The following USP25 variants were observed in gnomAD, a reference collection of about 807,000 sequenced individuals.
The protein encoded by USP25 is ubiquitin carboxyl-terminal hydrolase 25.
USP25 carries 85 observed loss-of-function variants against 158.5 expected under a neutral mutation model. That is an observed-to-expected ratio of 0.54 (90% confidence interval 0.45 to 0.64). The LOEUF is 0.64. Ranked by LOEUF, USP25 falls within the 30% of genes least tolerant of loss-of-function variation. The pLI is 0.00. For synonymous variants in USP25, 464 were observed against 460.4 expected, an observed-to-expected ratio of 1.01 and a Z score of -0.10; for missense variants, 1,242 against 1,327.3, an observed-to-expected ratio of 0.94 and a Z score of 1.00.
intron 11 of USP25, 142 bp downstream of exon 11, chr21:15,824,308 A>G (rs947911459): frequency 4.2e-6 from 4 of 943,698 alleles, no homozygotes; most frequent in Admixed American, 6.7e-5. Context: ...GTCAAGGTAG[A>G]TGAAATTTAC....
In USP25 at chr21:15,827,093, C is replaced by T. The variant is rs754182220; in HGVS notation, c.1583C>T (p.Pro528Leu). ...IHKPFTQSRI[P>L]PDLPMHPAPR... is the part of the protein sequence containing the mutation. ...AAACCATTTACTCAGTCCCGGATAC[C>T]TCCAGATTTGCCCATGCATCCGGCA... The change falls in exon 14 of 26, where the codon CCT (proline) becomes CTT (leucine). Residue 528 changes from proline (P) to leucine (L), a missense_variant. This residue lies in a region of USP25 where 627 missense variants were observed against 701.4 expected (regional missense o/e 0.89). Coordinates refer to ENST00000400183, the MANE Select transcript of USP25 (RefSeq NM_001283041.3). The T allele has an allele frequency of 6.2e-7, 1 of 1,614,184 alleles. No homozygotes were observed. The highest frequency in any genetic ancestry group is 1.1e-5 in the South Asian group (1 of 91,084).
In USP25 at chr21:15,815,650, G is replaced by GT. The variant is rs564857829; in HGVS notation, c.932-3044dup. Among the ~76,000 whole-genome samples the GT allele has an allele frequency of 8.5e-4, 130 of 152,226 alleles. No individual in the cohort carries two copies. The Middle Eastern group carries it at 0.014, about 16-fold the overall frequency. ...TTGGATTTCAGACTGTAACCCCTTTGTTTTGGCCTGTTTCTCCCATGTGGA... is the reference window on the plus strand; with the variant it reads ...TTGGATTTCAGACTGTAACCCCTTTGTTTTTGGCCTGTTTCTCCCATGTGGA... On this transcript the variant is annotated intron_variant, in intron 9 of 25. Coordinates refer to ENST00000400183, the MANE Select transcript of USP25 (RefSeq NM_001283041.3).
chr21:15,849,864 T>C lies in USP25; in HGVS notation c.2539T>C (p.Phe847Leu). The change falls in exon 20 of 26, where the codon TTC becomes CTC. Residue 847 changes from phenylalanine to leucine, a missense_variant. Coordinates refer to ENST00000400183, the MANE Select transcript of USP25 (RefSeq NM_001283041.3). The part of the protein sequence containing the change: ...VYDRCGPEAG[F>L]FKAIKLEYAR... ...TGACAGGTGTGGCCCTGAAGCAGGG[T>C]TCTTTAAGGTACAATGAACATTTTC... 2.0e-6 allele frequency: 3 copies of C among 1,511,016 alleles called. No individual in the cohort carries two copies. Among genetic ancestry groups the C allele is most frequent in the Non-Finnish European group, 2.7e-6 (3 of 1,129,230 alleles). 93.6% of individuals were successfully genotyped at this position (1,511,016 alleles called of 1,614,324 possible). A position where few individuals can be genotyped will look rare whatever the true frequency, so the allele number is the denominator to read the frequency against.
chr21:15,740,426 C>A (rs1000537192), intron 1 of USP25, among the ~76,000 whole-genome samples: 1 of 152,028 alleles, frequency 6.6e-6, no homozygotes, highest in Non-Finnish European at 1.5e-5. Flanking sequence ...GTGTTTCTCT[C>A]CATCAGTGCA....
At position 15,799,739 on chromosome 21, in the gene USP25, ATTG is replaced by A. The variant is rs774756236; in HGVS notation, c.556-12_556-10del. 17 of 1,547,580 alleles carry A rather than the reference ATTG, an allele frequency of 1.1e-5. No individual in the cohort carries two copies. The Middle Eastern group carries it at 5.1e-4, about 47-fold the overall frequency. ...GGAATTTTCCCTCAGGTTATGTTAA[ATTG>A]TTGTTCTTTTTCAGTCATTATTTAA... On this transcript the variant is annotated splice_polypyrimidine_tract_variant and intron_variant, in intron 5 of 25. Transcript: ENST00000400183.
intron 3 of USP25, among the ~76,000 whole-genome samples, chr21:15,767,890 A>C (rs2034134145): frequency 6.6e-6 from 1 of 152,118 alleles, no homozygotes; most frequent in Non-Finnish European, 1.5e-5. Context: ...GTGCAAAGTG[A>C]GAAAATACTG....
intron 16 of USP25, among the ~76,000 whole-genome samples, chr21:15,832,814 C>G (rs956834796): frequency 6.6e-6 from 1 of 151,856 alleles, no homozygotes; most frequent in East Asian, 1.9e-4. Context: ...GTCAGGAGAT[C>G]GAGACCATCC....
chr21:15,808,741 G>A, intron 7 of USP25, 68 bp from the exon 8 acceptor site: 1 of 1,170,360 alleles, frequency 8.5e-7, no homozygotes, highest in Non-Finnish European at 1.2e-6. Context: ...CTCTAGGTTT[G>A]ATGTTACAAC....
intron 1 of USP25, among the ~76,000 whole-genome samples, chr21:15,740,095 G>A (rs2823467): frequency 1.3e-5 from 2 of 152,032 alleles, no homozygotes; most frequent in South Asian, 2.1e-4. Context: ...GATCAGTTTC[G>A]TATAATATGG....
intron 6 of USP25, among the ~76,000 whole-genome samples, chr21:15,804,033 A>G (rs1568826142): frequency 6.6e-6 from 1 of 150,756 alleles, no homozygotes; most frequent in Admixed American, 6.6e-5. Flanking sequence ...TAAAATTGTT[A>G]TTATAAGAAC....
intron 1 of USP25, among the ~76,000 whole-genome samples, chr21:15,741,258 C>T (rs1488800430): frequency 6.6e-6 from 1 of 150,590 alleles, no homozygotes; most frequent in African/African-American, 2.4e-5. Context: ...AATATTCTCA[C>T]ATCTGTGTAT....
intron 25 of USP25, 51 bp from the exon 26 acceptor site, chr21:15,878,252 A>C: frequency 1.3e-6 from 2 of 1,569,568 alleles, no homozygotes; most frequent in Non-Finnish European, 1.7e-6. Context: ...GTTGACAATG[A>C]TCGTGTAATA....
intron 1 of USP25, among the ~76,000 whole-genome samples, chr21:15,745,869 G>T (rs2032513117): frequency 6.6e-6 from 1 of 152,178 alleles, no homozygotes; most frequent in African/African-American, 2.4e-5. Context: ...GATCCATTTG[G>T]AATTCATTTC....
intron 20 of USP25, among the ~76,000 whole-genome samples, chr21:15,858,805 C>G (rs1350369252): frequency 6.6e-6 from 1 of 151,928 alleles, no homozygotes; most frequent in Non-Finnish European, 1.5e-5. Flanking sequence ...TTTTAAAATA[C>G]TCTCAAATTA....
At chr21:15,775,785 G>T (rs1225626934) in intron 3 of USP25, among the ~76,000 whole-genome samples, 1 of 106,138 alleles carries the variant, frequency 9.4e-6, no homozygotes, top group South Asian at 2.9e-4. Flanking sequence ...TCCATGTCTC[G>T]TGTTAGTGCA....
At chr21:15,801,597 A>G (rs574608989) in intron 6 of USP25, among the ~76,000 whole-genome samples, 27 of 151,586 alleles carry the variant, frequency 1.8e-4, no homozygotes, top group Non-Finnish European at 3.0e-4. Context: ...GAATGGTCCT[A>G]TATTCACTTG....
intron 5 of USP25, among the ~76,000 whole-genome samples, chr21:15,796,041 T>G (rs1350497945): frequency 6.6e-6 from 1 of 151,606 alleles, no homozygotes; most frequent in Non-Finnish European, 1.5e-5. Context: ...TTAGCAAGAA[T>G]CTAACCAAAC....
At chr21:15,768,545 A>C (rs1568779755) in intron 3 of USP25, among the ~76,000 whole-genome samples, 1 of 152,056 alleles carries the variant, frequency 6.6e-6, no homozygotes, top group Non-Finnish European at 1.5e-5. Context: ...GTGTATTTTT[A>C]ATTCTTGGAA....
chr21:15,806,117 T>A (rs1159486998), intron 7 of USP25, among the ~76,000 whole-genome samples: 1 of 152,190 alleles, frequency 6.6e-6, no homozygotes, highest in Admixed American at 6.5e-5. Context: ...TTAAAAAAAA[T>A]TCTAACAATG....
Sources: allele counts gnomAD v4.1 joint callset (sites outside exome capture counted in the v4.1 genomes callset), GRCh38; gene constraint gnomAD v4.1.1; regional missense constraint gnomAD v4.1.1; transcripts MANE v1.5; gene names NCBI Gene and HGNC (gene_info 2026-07-23, HGNC 2026-07-21).